CNTLN: variants seen among roughly 807,000 people sequenced by gnomAD.
CNTLN encodes the protein centlein.
In CNTLN, 212 loss-of-function variants were observed where a neutral mutation model predicts 180.0. That is an observed-to-expected ratio of 1.18 (90% CI 1.05 to 1.32). The LOEUF (loss-of-function observed/expected upper bound fraction) is 1.32, where lower values mean the gene tolerates loss of function less well. CNTLN is among the 40% of genes most tolerant of loss of function. CNTLN has a pLI of 0.00. For synonymous variants in CNTLN, 722 were observed against 563.1 expected, an observed-to-expected ratio of 1.28 and a Z score of -3.99; for missense variants, 2,095 against 1,610.9, an observed-to-expected ratio of 1.30 and a Z score of -5.14.
At chr9:17,209,101 C>G (rs1418499160) in intron 2 of CNTLN, among the ~76,000 whole-genome samples, 1 of 151,920 alleles carries the variant, frequency 6.6e-6, no homozygotes, top group African/African-American at 2.4e-5. Flanking sequence ...GTTAGTACTG[C>G]TTTTGCTATA....
At chr9:17,504,120 A>G (rs1191967459), downstream of CNTLN, among the ~76,000 whole-genome samples, 1 of 152,076 alleles carries the variant, frequency 6.6e-6, no homozygotes, top group African/African-American at 2.4e-5. Context: ...ATACCAGTAC[A>G]CACTTTTCAT....
At chr9:17,343,917 C>T (rs1017630053) in intron 12 of CNTLN, among the ~76,000 whole-genome samples, 1 of 152,138 alleles carries the variant, frequency 6.6e-6, no homozygotes, top group African/African-American at 2.4e-5. Flanking sequence ...CTAGACATTG[C>T]ATATAAATGG....
chr9:17,266,856 G>C (rs865899659), intron 5 of CNTLN, among the ~76,000 whole-genome samples: 1 of 152,060 alleles, frequency 6.6e-6, no homozygotes, highest in Non-Finnish European at 1.5e-5. Flanking sequence ...GACTAGGATT[G>C]CAACCCCTGC....
chr9:17,176,967 C>T (rs1228041648), intron 2 of CNTLN, among the ~76,000 whole-genome samples: 1 of 152,014 alleles, frequency 6.6e-6, no homozygotes, highest in African/African-American at 2.4e-5. Flanking sequence ...CTATTTTTTT[C>T]CCTTGTCAGT....
At position 17,366,707 on chromosome 9, in the gene CNTLN, G is replaced by T. The variant is rs370377867; in HGVS notation, c.1977G>T (p.Glu659Asp). ...AIQELNRCVA[E>D]RREEQLFRSG... Reference sequence around the variant, plus strand: ...AAGAATTGAATAGATGTGTGGCAGAGAGAAGAGAAGGTAAATTTTCAGAAA... The same window carrying T: ...AAGAATTGAATAGATGTGTGGCAGATAGAAGAGAAGGTAAATTTTCAGAAA... Residue 659 changes from glutamate (E) to aspartate (D), a missense_variant, in exon 13 of 26, where the codon GAG (glutamate) becomes GAT (aspartate). By Grantham distance (45) the Glu-to-Asp change is conservative. Transcript: ENST00000380647. 1.8e-5 allele frequency: 28 copies of T among 1,553,242 alleles called. No homozygotes were observed. The African/African-American group carries it at 3.9e-4, about 21-fold the overall frequency.
At chr9:17,430,369 GAA>G (rs1225359570) in intron 18 of CNTLN, among the ~76,000 whole-genome samples, 1 of 151,696 alleles carries the variant, frequency 6.6e-6, no homozygotes, top group African/African-American at 2.4e-5. Context: ...CATACTATTT[GAA>G]AACTCTCTAG....
chr9:17,347,463 G>A lies in CNTLN; in HGVS notation c.1886+5019G>A, dbSNP rs371050843. Among the ~76,000 whole-genome samples, 13 of 152,202 alleles carry A rather than the reference G, an allele frequency of 8.5e-5. No individual in the cohort carries two copies. The South Asian group carries it at 2.3e-3, about 27-fold the overall frequency. ...GCGGGCAGATCACTTGAGGTCAGGG[G>A]TTCGAGACCAGCCTGGACAACATGG... On this transcript the variant is annotated intron_variant, in intron 12 of 25. Transcript: ENST00000380647.
At chr9:17,152,674 G>A (rs1466121829) in intron 2 of CNTLN, among the ~76,000 whole-genome samples, 1 of 152,098 alleles carries the variant, frequency 6.6e-6, no homozygotes, top group Non-Finnish European at 1.5e-5. Context: ...TGTCTATTAG[G>A]TCCCCCTGGT....
intron 8 of CNTLN, among the ~76,000 whole-genome samples, chr9:17,320,103 G>A (rs1039279619): frequency 8.5e-5 from 13 of 152,198 alleles, no homozygotes; most frequent in African/African-American, 3.1e-4. Context: ...ATTTATCTGT[G>A]AATGAGATAC....
At chr9:17,354,027 G>C (rs527897395) in intron 12 of CNTLN, among the ~76,000 whole-genome samples, 3 of 152,338 alleles carry the variant, frequency 2.0e-5, no homozygotes, top group East Asian at 1.9e-4. Flanking sequence ...CCCGCACTCG[G>C]AGCAGCCGAC....
intron 13 of CNTLN, among the ~76,000 whole-genome samples, chr9:17,376,096 C>T (rs944560275): frequency 5.1e-4 from 77 of 152,220 alleles, no homozygotes; most frequent in Non-Finnish European, 8.4e-4. Context: ...TATTTGAACC[C>T]CTCCATTTAA....
At chr9:17,222,099 T>C (rs1211801715) in intron 2 of CNTLN, among the ~76,000 whole-genome samples, 3 of 152,022 alleles carry the variant, frequency 2.0e-5, no homozygotes, top group African/African-American at 7.2e-5. Flanking sequence ...ACACAGGCTG[T>C]CTTATCTCCC....
At chr9:17,506,420 G>A (rs1031522419), downstream of CNTLN, among the ~76,000 whole-genome samples, 1 of 152,142 alleles carries the variant, frequency 6.6e-6, no homozygotes, top group African/African-American at 2.4e-5. Context: ...GCAGTCCTCT[G>A]TGAGTAACAT....
chr9:17,382,135 C>G (rs1002965878), intron 13 of CNTLN, among the ~76,000 whole-genome samples: 1 of 152,062 alleles, frequency 6.6e-6, no homozygotes, highest in African/African-American at 2.4e-5. Context: ...GTATATGTTG[C>G]GAGCATATGG....
chr9:17,333,506 A>G (rs2133135234), intron 10 of CNTLN, among the ~76,000 whole-genome samples: 1 of 152,274 alleles, frequency 6.6e-6, no homozygotes, highest in Non-Finnish European at 1.5e-5. Context: ...ATTAGAATGC[A>G]GTACACATGA....
chr9:17,366,846 A>G, intron 13 of CNTLN, 129 bp downstream of exon 13: 1 of 551,440 alleles, frequency 1.8e-6, no homozygotes. Flanking sequence ...TTCATTGATA[A>G]CTCACTAACA....
intron 2 of CNTLN, among the ~76,000 whole-genome samples, chr9:17,161,612 C>T (rs995894089): frequency 3.9e-5 from 6 of 152,200 alleles, no homozygotes; most frequent in African/African-American, 1.2e-4. Context: ...CAAATTTCAT[C>T]CTGGCTTTAA....
chr9:17,487,410 A>G (rs1832947699), intron 25 of CNTLN, among the ~76,000 whole-genome samples: 1 of 152,140 alleles, frequency 6.6e-6, no homozygotes, highest in African/African-American at 2.4e-5. Context: ...AGTATTTGAT[A>G]TGGACACCTG....
intron 7 of CNTLN, chr9:17,298,732 A>G (rs1407204183): frequency 1.0e-6 from 1 of 989,730 alleles, no homozygotes; most frequent in African/African-American, 1.7e-5. Context: ...TAAAATTTGT[A>G]CATTATTTTT....
Sources: allele counts gnomAD v4.1 joint callset (sites outside exome capture counted in the v4.1 genomes callset), GRCh38; gene constraint gnomAD v4.1.1; transcripts MANE v1.5; gene names NCBI Gene and HGNC (gene_info 2026-07-23, HGNC 2026-07-21).